DERL1: variants seen among roughly 807,000 people sequenced by gnomAD.
The protein encoded by DERL1 is derlin-1.
Under a neutral mutation model 41.6 loss-of-function variants are expected in DERL1, and 24 were observed. The ratio of observed to expected loss-of-function variants is 0.58; its 90% CI spans 0.42 to 0.81. DERL1 has a LOEUF of 0.81. Ranked by LOEUF, DERL1 falls within the 30% of genes least tolerant of loss-of-function variation. The pLI, the probability that DERL1 is intolerant of heterozygous loss-of-function variation, is 0.00. For synonymous variants in DERL1, 124 were observed against 112.5 expected (o/e 1.10, Z -0.65); for missense variants, 260 against 314.3 (o/e 0.83, Z 1.31).
Position 123,041,994 on chromosome 8 carries a change from G to T in DERL1, c.129C>A (p.Pro43=). 6.2e-7 allele frequency: 1 copy of T among 1,613,012 alleles called. No individual in the cohort carries two copies. Among genetic ancestry groups the T allele is most frequent in the Non-Finnish European group, 8.5e-7 (1 of 1,179,340 alleles). The change falls in exon 1 of 8, where the codon CCC becomes CCA. Residue 43 remains proline (P), a synonymous_variant. Coordinates refer to ENST00000259512, the MANE Select transcript of DERL1 (RefSeq NM_024295.6). ...LISPAYLFLW[P]EAFLYRFQIW... ...CCTGAAAGCGATAAAGGAAGGCTTC[G>T]GGCCAGAGGAAGAGGTAGGCCGGGC...
rs1336946285 is a variant in DERL1 at position 123,042,160 on chromosome 8, C to T, written c.-38G>A. On this transcript the variant is annotated 5_prime_UTR_variant, in exon 1 of 8. Coordinates refer to ENST00000259512, the MANE Select transcript of DERL1 (RefSeq NM_024295.6). The stretch of plus-strand genomic sequence containing the variant: ...GGTAGCCAAGATGCACAAGACCGCC[C>T]GACTCCCCGTGCCGACCCCCTCACG... 4 of 1,556,518 alleles carry T rather than the reference C, an allele frequency of 2.6e-6. No individual in the cohort carries two copies. Among genetic ancestry groups the T allele is most frequent in the African/African-American group, 1.4e-5 (1 of 73,402 alleles).
rs759930292 is a variant in DERL1, at chr8:123,022,711, T to C, written c.426A>G (p.Val142=). Residue 142 remains valine (V), a synonymous_variant, in exon 5 of 8, where the codon GTA becomes GTG. Transcript: ENST00000259512. ...TAAATCGTGTTCCAAACCAAAATGA[T>C]ACAATCATGTCTCTGTTCAGCTGGG... is the stretch of plus-strand genomic sequence containing the variant. The part of the protein sequence containing the change: ...VWAQLNRDMI[V]SFWFGTRFKA... The C allele has an allele frequency of 1.1e-5, 17 of 1,614,090 alleles. No homozygotes were observed. Among genetic ancestry groups the C allele is most frequent in the East Asian group, 6.7e-5 (3 of 44,880 alleles).
chr8:123,025,073 T>G (rs1812653996), intron 2 of DERL1, 23 bp from the exon 3 acceptor site: 2 of 1,610,710 alleles, frequency 1.2e-6, no homozygotes, highest in African/African-American at 2.7e-5. Flanking sequence ...ACAAGCCAAA[T>G]GTCATGGTTC....
chr8:123,034,435 C>T (rs868859032), intron 1 of DERL1, among the ~76,000 whole-genome samples: 10 of 152,122 alleles, frequency 6.6e-5, no homozygotes, highest in Admixed American at 6.5e-5. Context: ...TCACCACTTC[C>T]GAGCCTCAAT....
At chr8:123,036,350 G>A (rs988837824) in intron 1 of DERL1, among the ~76,000 whole-genome samples, 1 of 151,968 alleles carries the variant, frequency 6.6e-6, no homozygotes, top group African/African-American at 2.4e-5. Context: ...GATAAAAGCA[G>A]GTAGACACAA....
intron 2 of DERL1, 55 bp downstream of exon 2, chr8:123,030,550 C>T: frequency 1.6e-6 from 2 of 1,283,146 alleles, no homozygotes; most frequent in South Asian, 1.3e-5. Context: ...AAAGTAAACA[C>T]ATGGATTAGT....
In DERL1 at chr8:123,014,364, A is replaced by G. The variant is rs963425770; in HGVS notation, c.*1083T>C. The G allele has an allele frequency of 2.0e-5, 3 of 152,678 alleles. No homozygotes were observed. The highest frequency in any genetic ancestry group is 7.2e-5 in the African/African-American group (3 of 41,460). 9.5% of individuals were successfully genotyped at this position (152,678 alleles called of 1,614,324 possible). On this transcript the variant is annotated 3_prime_UTR_variant, in exon 8 of 8. Coordinates refer to ENST00000259512, the MANE Select transcript of DERL1 (RefSeq NM_024295.6). ...GTGCTTACATTAGCTTTAAAAAATG[A>G]TCTACGTGCAGAGAGGAGCTGCGCC...
chr8:123,024,464 T>A (rs1812636979), intron 3 of DERL1, among the ~76,000 whole-genome samples: 1 of 152,048 alleles, frequency 6.6e-6, no homozygotes, highest in South Asian at 2.1e-4. Flanking sequence ...TCTGTAAGAG[T>A]CCTGCAGTTG....
intron 1 of DERL1, among the ~76,000 whole-genome samples, chr8:123,035,867 TAA>T (rs1249206138): frequency 6.6e-6 from 1 of 152,066 alleles, no homozygotes; most frequent in Non-Finnish European, 1.5e-5. Context: ...TTTTTTTTTT[TAA>T]AGTATGAAAA....
chr8:123,020,975 A>G (rs1814749356), intron 6 of DERL1, among the ~76,000 whole-genome samples: 1 of 151,852 alleles, frequency 6.6e-6, no homozygotes, highest in African/African-American at 2.4e-5. Flanking sequence ...TCAAAAAAAA[A>G]AAAAAAAAAG....
Position 123,023,701 on chromosome 8 carries a change from A to G in DERL1, c.357+12T>C, listed in dbSNP as rs1162040074. The G allele has an allele frequency of 6.2e-7, 1 of 1,605,138 alleles. No individual in the cohort carries two copies. The highest frequency in any genetic ancestry group is 8.5e-7 in the Non-Finnish European group (1 of 1,175,908). ...ATAAAAGGGCAAATAGATAGTTTAA[A>G]TGGACACTTACCTGCATATCCATTG... is the stretch of plus-strand genomic sequence containing the variant. On this transcript the variant is annotated intron_variant, in intron 4 of 7. Transcript: ENST00000259512.
intron 6 of DERL1, among the ~76,000 whole-genome samples, chr8:123,020,623 T>C (rs930788384): frequency 4.0e-5 from 6 of 151,596 alleles, no homozygotes; most frequent in Non-Finnish European, 5.9e-5. Flanking sequence ...TCCTGACCAA[T>C]AGACTAGATA....
At chr8:123,026,345 T>G (rs924146270) in intron 2 of DERL1, among the ~76,000 whole-genome samples, 1 of 152,160 alleles carries the variant, frequency 6.6e-6, no homozygotes, top group African/African-American at 2.4e-5. Context: ...TCCTAAGGAG[T>G]CTTTAGACTG....
At position 123,023,776 on chromosome 8, in the gene DERL1, C is replaced by T. The variant is rs757335219; in HGVS notation, c.331-37G>A. 11 of 1,605,366 alleles carry T rather than the reference C, an allele frequency of 6.9e-6. No homozygotes were observed. In the Admixed American group the frequency reaches 1.9e-4, roughly 27 times the overall value. ...AAGTTAAAGATCAGACATAAAAAAG[C>T]ATTCTGTACCTAGTCAAGACTGATG... On this transcript the variant is annotated intron_variant, in intron 3 of 7. Transcript: ENST00000259512.
intron 1 of DERL1, among the ~76,000 whole-genome samples, chr8:123,035,452 G>A (rs987893456): frequency 2.6e-5 from 4 of 152,094 alleles, no homozygotes; most frequent in African/African-American, 4.8e-5. Context: ...CTGGCTTTAC[G>A]TTCAGTGCCA....
intron 3 of DERL1, among the ~76,000 whole-genome samples, chr8:123,024,453 A>C (rs1417906137): frequency 4.6e-5 from 7 of 152,124 alleles, no homozygotes; most frequent in Non-Finnish European, 7.3e-5. Context: ...TGCTCTCACC[A>C]TCTGTAAGAG....
chr8:123,018,498 T>C (rs1362502392), intron 7 of DERL1: 1 of 152,162 alleles, frequency 6.6e-6, no homozygotes, highest in Non-Finnish European at 1.5e-5. Context: ...GACAGGGGCT[T>C]CTCCCACAAT....
chr8:123,036,081 T>C (rs58514055), intron 1 of DERL1, among the ~76,000 whole-genome samples: 298 of 152,178 alleles, frequency 2.0e-3, no homozygotes, highest in African/African-American at 6.9e-3. Flanking sequence ...GCACTTAATC[T>C]TTAAAAAGAG....
intron 6 of DERL1, 45 bp from the exon 7 acceptor site, chr8:123,019,350 G>A: frequency 7.3e-7 from 1 of 1,367,380 alleles, no homozygotes; most frequent in Non-Finnish European, 1.0e-6. Context: ...AAGCAATAGA[G>A]ATGCACCAAG....
Sources: allele counts gnomAD v4.1 joint callset (sites outside exome capture counted in the v4.1 genomes callset), GRCh38; gene constraint gnomAD v4.1.1; transcripts MANE v1.5; gene names NCBI Gene and HGNC (gene_info 2026-07-23, HGNC 2026-07-21).